Variants in DGKD observed in about 807,000 individuals in gnomAD.
DGKD encodes the protein DAG kinase delta.
DGKD carries 68 observed loss-of-function variants against 154.4 expected under a neutral mutation model. The observed-to-expected ratio is 0.44, with a 90% CI of 0.36 to 0.54. DGKD has a LOEUF of 0.54. Among genes scored for constraint, DGKD ranks in the 20% least tolerant of loss-of-function variants. The pLI is 0.00. For synonymous variants in DGKD, 693 were observed against 638.0 expected (o/e 1.09, Z -1.30); for missense variants, 1,343 against 1,593.6 (o/e 0.84, Z 2.68).
chr2:233,367,851 C>CTTTTTTTT (rs66652929), intron 1 of DGKD, among the ~76,000 whole-genome samples: 1 of 124,058 alleles, frequency 8.1e-6, no homozygotes, highest in East Asian at 2.3e-4. Context: ...TTTTTTTTTT[C>CTTTTTTTT]TTTTTTTTTT....
intron 17 of DGKD, 46 bp downstream of exon 17, chr2:233,451,096 C>T (rs1237018845): frequency 6.3e-7 from 1 of 1,575,424 alleles, no homozygotes; most frequent in Non-Finnish European, 8.7e-7. Flanking sequence ...CCTAGCACAA[C>T]ACTGGTCCCG....
intron 17 of DGKD, 87 bp downstream of exon 17, chr2:233,451,137 C>A: frequency 7.6e-7 from 1 of 1,318,784 alleles, no homozygotes; most frequent in African/African-American, 1.5e-5. Flanking sequence ...TCGCTGCCCT[C>A]GGAGAGTTTA....
In DGKD at chr2:233,354,746, C is replaced by T. The variant is rs899864697; in HGVS notation, c.156+72C>T. ...GCAGCCCCGGCCGAGGCCCGTGGCC[C>T]TGCCCGAGCGGCCGCCCAGGCCCGG... On this transcript the variant is annotated intron_variant, in intron 1 of 29. Coordinates refer to ENST00000264057, the MANE Select transcript of DGKD (RefSeq NM_152879.3). The surrounding 1 kb of genome is among the most constrained non-coding windows in gnomAD (Gnocchi z 4.8). 40 of 919,960 alleles carry T rather than the reference C, an allele frequency of 4.3e-5. No individual in the cohort carries two copies. The highest frequency in any genetic ancestry group is 4.9e-5 in the Non-Finnish European group (38 of 773,476). The allele number at this position is 919,960 out of a possible 1,614,324, so 57.0% of individuals were successfully genotyped here.
At chr2:233,377,302 T>C (rs1240114909) in intron 1 of DGKD, among the ~76,000 whole-genome samples, 1 of 152,170 alleles carries the variant, frequency 6.6e-6, no homozygotes, top group Non-Finnish European at 1.5e-5. Context: ...CAGGCTGGTC[T>C]TGAACTCCTA....
At chr2:233,463,365 C>T (rs545138847) in intron 26 of DGKD, among the ~76,000 whole-genome samples, 7 of 137,910 alleles carry the variant, frequency 5.1e-5, no homozygotes, top group African/African-American at 1.3e-4. Flanking sequence ...CACACATCAC[C>T]TCACTCCACA....
At chr2:233,443,347 A>C (rs1034529175) in intron 10 of DGKD, among the ~76,000 whole-genome samples, 1 of 151,818 alleles carries the variant, frequency 6.6e-6, no homozygotes, top group African/African-American at 2.4e-5. Context: ...TTGAGTATTC[A>C]CCTTTTTTTC....
intron 3 of DGKD, among the ~76,000 whole-genome samples, chr2:233,418,682 C>A: frequency 6.6e-6 from 1 of 152,340 alleles, no homozygotes; most frequent in East Asian, 1.9e-4. Context: ...TCTGACTGTG[C>A]TGTGGGTGGC....
At chr2:233,399,042 C>G (rs2061494492) in intron 3 of DGKD, among the ~76,000 whole-genome samples, 2 of 152,088 alleles carry the variant, frequency 1.3e-5, no homozygotes, top group South Asian at 4.1e-4. Flanking sequence ...CATTTTTAAA[C>G]CCATGTTCTC....
At chr2:233,364,754 A>G (rs1437527043) in intron 1 of DGKD, among the ~76,000 whole-genome samples, 3 of 152,216 alleles carry the variant, frequency 2.0e-5, no homozygotes, top group Non-Finnish European at 4.4e-5. Flanking sequence ...AAGTTAGTAG[A>G]CTGAAATCCC....
At chr2:233,392,000 T>G (rs1703652580) in intron 3 of DGKD, 1 of 152,146 alleles carries the variant, frequency 6.6e-6, no homozygotes, top group African/African-American at 2.4e-5. Flanking sequence ...TGAATTTCTT[T>G]GGAGTGTTCT....
In DGKD at chr2:233,457,178, C is replaced by A; in HGVS notation, c.2473-43C>A. On this transcript the variant is annotated intron_variant, in intron 20 of 29. Transcript: ENST00000264057. The surrounding 1 kb of genome is among the most constrained non-coding windows in gnomAD (Gnocchi z 5.5). ...GCTGGTAGAGAAGGAGGGGCTGACT[C>A]ATACCTTTCTCTTTTCTTTTGTTCT... 6.8e-7 allele frequency: 1 copy of A among 1,464,100 alleles called. No homozygotes were observed. Among genetic ancestry groups the A allele is most frequent in the South Asian group, 1.3e-5 (1 of 74,304 alleles). The allele number at this position is 1,464,100 out of a possible 1,614,324, so 90.7% of individuals were successfully genotyped here. A position where few individuals can be genotyped will look rare whatever the true frequency, so the allele number is the denominator to read the frequency against.
chr2:233,393,947 A>G (rs1703821220), intron 3 of DGKD, among the ~76,000 whole-genome samples: 1 of 152,122 alleles, frequency 6.6e-6, no homozygotes, highest in Non-Finnish European at 1.5e-5. Flanking sequence ...AAATGCTGGG[A>G]TTACAGGTGT....
Position 233,469,484 on chromosome 2 carries a change from C to T in DGKD, c.*24C>T, listed in dbSNP as rs375709979. 6.5e-5 allele frequency: 102 copies of T among 1,570,564 alleles called. 1 individual carries two copies. In the African/African-American group the frequency reaches 1.0e-3, roughly 15 times the overall value. On this transcript the variant is annotated 3_prime_UTR_variant, in exon 30 of 30. Transcript: ENST00000264057. ...AGCCTCTGTCCTCTCAGCCTGTGGC[C>T]TCCACATCCCCGCCGCCGAGGCCTA...
chr2:233,357,537 C>CTTTT (rs374813757), intron 1 of DGKD, among the ~76,000 whole-genome samples: 52 of 129,144 alleles, frequency 4.0e-4, no homozygotes, highest in South Asian at 9.7e-4. Flanking sequence ...TTCTTTCTTT[C>CTTTT]TTTTTTTTTT....
chr2:233,461,308 GGT>G (rs969055833), intron 24 of DGKD, among the ~76,000 whole-genome samples: 1 of 152,258 alleles, frequency 6.6e-6, no homozygotes, highest in Non-Finnish European at 1.5e-5. Context: ...GCTGTGGACA[GGT>G]GCACCCGTCG....
At position 233,354,509 on chromosome 2, in the gene DGKD, GCC is replaced by G. The variant is rs1267186059; in HGVS notation, c.-8_-7del. 1.0e-6 allele frequency: 1 copy of G among 982,072 alleles called. No homozygotes were observed. The highest frequency in any genetic ancestry group is 1.2e-6 in the Non-Finnish European group (1 of 829,496). The allele number at this position is 982,072 out of a possible 1,614,324, so 60.8% of individuals were successfully genotyped here. On this transcript the variant is annotated 5_prime_UTR_variant, in exon 1 of 30. Coordinates refer to ENST00000264057, the MANE Select transcript of DGKD (RefSeq NM_152879.3). The surrounding 1 kb of genome is among the most constrained non-coding windows in gnomAD (Gnocchi z 4.8). ...GCCCCCGCCCGCGGTGCGCGCGCTG[GCC>G]CGGCAGCATGGCGGCGGCGGCGGGC...
rs1034079471 is a variant in DGKD, at chr2:233,459,673, G to C, written c.2695-84G>C. 1.4e-5 allele frequency: 22 copies of C among 1,538,160 alleles called. No individual in the cohort carries two copies. In the South Asian group the frequency reaches 2.4e-4, roughly 16 times the overall value. The stretch of plus-strand genomic sequence containing the variant: ...AAGGCAGGGACGGGTGTGTGGAGCA[G>C]GAAGGTCATGGTGGTGCTGATAGCA... On this transcript the variant is annotated intron_variant, in intron 22 of 29. Coordinates refer to ENST00000264057, the MANE Select transcript of DGKD (RefSeq NM_152879.3). The surrounding 1 kb of genome is among the most constrained non-coding windows in gnomAD (Gnocchi z 5.7).
At chr2:233,370,486 G>A (rs1336266829) in intron 1 of DGKD, among the ~76,000 whole-genome samples, 6 of 151,858 alleles carry the variant, frequency 4.0e-5, no homozygotes, top group Non-Finnish European at 5.9e-5. Context: ...CAAAGTCCTG[G>A]GATTACATGC....
At position 233,463,118 on chromosome 2, in the gene DGKD, G is replaced by A. The variant is rs544538439; in HGVS notation, c.3186+383G>A. ...CTGTGGGGCTGTTACTGAATCACAGGGGCTAGAACAGGGAGAGGCCTGAGA... is the reference window on the plus strand; with the variant it reads ...CTGTGGGGCTGTTACTGAATCACAGAGGCTAGAACAGGGAGAGGCCTGAGA... On this transcript the variant is annotated intron_variant, in intron 26 of 29. Transcript: ENST00000264057. 9.9e-5 allele frequency among the ~76,000 whole-genome samples: 15 copies of A among 152,250 alleles called. No individual in the cohort carries two copies. In the South Asian group the frequency reaches 2.9e-3, roughly 29 times the overall value.
Sources: allele counts gnomAD v4.1 joint callset (sites outside exome capture counted in the v4.1 genomes callset), GRCh38; gene constraint gnomAD v4.1.1; non-coding constraint Gnocchi (gnomAD v3.1); transcripts MANE v1.5; gene names NCBI Gene and HGNC (gene_info 2026-07-23, HGNC 2026-07-21).